The following DCTN4 variants were observed in gnomAD, a reference collection of about 807,000 sequenced individuals.
DCTN4 encodes the protein dynactin subunit 4, also known as dynactin 4 (p62).
In DCTN4, 23 loss-of-function variants were observed where a neutral mutation model predicts 62.7. That is an observed-to-expected ratio of 0.37 (90% confidence interval 0.26 to 0.52). The LOEUF (loss-of-function observed/expected upper bound fraction) is 0.52. Ranked by LOEUF, DCTN4 falls within the 20% of genes least tolerant of loss-of-function variation. The pLI, the probability that DCTN4 is intolerant of heterozygous loss-of-function variation, is 0.92. For missense variants in DCTN4, 514 were observed against 580.4 expected, an observed-to-expected ratio of 0.89 and a Z score of 1.18; for synonymous variants, 199 against 202.1, an observed-to-expected ratio of 0.98 and a Z score of 0.13.
At chr5:150,747,681 C>G (rs1245360090) in intron 3 of DCTN4, among the ~76,000 whole-genome samples, 1 of 151,354 alleles carries the variant, frequency 6.6e-6, no homozygotes, top group African/African-American at 2.4e-5. Flanking sequence ...GAAAAACAAG[C>G]AATGGGGAAA....
At chr5:150,747,167 C>A (rs1752478877) in intron 3 of DCTN4, among the ~76,000 whole-genome samples, 1 of 152,158 alleles carries the variant, frequency 6.6e-6, no homozygotes, top group Admixed American at 6.5e-5. Flanking sequence ...AGAGCCAAAT[C>A]ATGAGTGAAC....
At chr5:150,735,348 A>G (rs1162579549) in intron 4 of DCTN4, among the ~76,000 whole-genome samples, 2 of 152,216 alleles carry the variant, frequency 1.3e-5, no homozygotes, top group Admixed American at 1.3e-4. Flanking sequence ...CACTGCTAGC[A>G]CAACCAGCAT....
Position 150,715,489 on chromosome 5 carries a change from G to T in DCTN4, c.1169+76C>A, listed in dbSNP as rs78371538. ...GAAAAAAGTTATTTTAAAAAATCCA[G>T]ACAAGAAAACTGGATATAAGTGGGC... is the stretch of plus-strand genomic sequence containing the variant. On this transcript the variant is annotated intron_variant, in intron 12 of 12. Transcript: ENST00000447998. The T allele has an allele frequency of 1.2e-3, 1,346 of 1,143,100 alleles. 12 individuals are homozygous for T. The African/African-American group carries it at 0.018, about 16-fold the overall frequency. The allele number at this position is 1,143,100 out of a possible 1,614,324, so 70.8% of individuals were successfully genotyped here.
chr5:150,735,230 A>C (rs1760532911), intron 4 of DCTN4, among the ~76,000 whole-genome samples: 1 of 152,212 alleles, frequency 6.6e-6, no homozygotes, highest in South Asian at 2.1e-4. Context: ...TCATTATAGC[A>C]ACTCATAAAA....
chr5:150,752,059 A>C (rs865957489), intron 3 of DCTN4, among the ~76,000 whole-genome samples: 2 of 152,200 alleles, frequency 1.3e-5, no homozygotes, highest in Admixed American at 1.3e-4. Flanking sequence ...AATTTTTACA[A>C]GTTTAAAATG....
At chr5:150,718,408 C>T in intron 10 of DCTN4, 25 bp from the exon 11 acceptor site, 2 of 1,537,722 alleles carry the variant, frequency 1.3e-6, no homozygotes, top group Non-Finnish European at 1.8e-6. Flanking sequence ...ACACATCTCT[C>T]AGACATTCGC....
intron 3 of DCTN4, among the ~76,000 whole-genome samples, chr5:150,750,828 C>T (rs1307641893): frequency 6.6e-6 from 1 of 152,134 alleles, no homozygotes; most frequent in Non-Finnish European, 1.5e-5. Flanking sequence ...AGGGGGAGGG[C>T]TTAAACTGTT....
In DCTN4 at chr5:150,730,668, T is replaced by G; in HGVS notation, c.797A>C (p.His266Pro). The change falls in exon 8 of 13, where the codon CAC becomes CCC. Residue 266 changes from histidine (H) to proline (P), a missense_variant. Transcript: ENST00000447998. ...PVCASQLYPRHKHLLIKRSLR... is the reference protein window; with the variant it reads ...PVCASQLYPRPKHLLIKRSLR... ...GGACCGTTTGATCAGAAGATGTTTG[T>G]GGCGAGGATAGAGCTGTGAAGCACA... The G allele has an allele frequency of 6.2e-7, 1 of 1,614,088 alleles. No individual in the cohort carries two copies. Among genetic ancestry groups the G allele is most frequent in the Non-Finnish European group, 8.5e-7 (1 of 1,179,964 alleles).
At chr5:150,745,115 A>T (rs1760912692) in intron 3 of DCTN4, among the ~76,000 whole-genome samples, 1 of 150,488 alleles carries the variant, frequency 6.6e-6, no homozygotes. Context: ...GCAAATGGAA[A>T]ACAAAAAAAG....
intron 1 of DCTN4, chr5:150,758,652 C>G: frequency 7.9e-7 from 1 of 1,260,608 alleles, no homozygotes; most frequent in Non-Finnish European, 1.1e-6. Flanking sequence ...GCTCTAGAAC[C>G]AGAAGATCCG....
At chr5:150,729,895 G>A (rs1760295228) in intron 8 of DCTN4, among the ~76,000 whole-genome samples, 13 of 151,524 alleles carry the variant, frequency 8.6e-5, no homozygotes, top group Admixed American at 5.3e-4. Context: ...CTCCTCCCCT[G>A]GGCCCTTTCT....
At chr5:150,758,094 G>A (rs1306802831) in intron 1 of DCTN4, 4 of 985,352 alleles carry the variant, frequency 4.1e-6, no homozygotes, top group Middle Eastern at 5.2e-4. Context: ...TTATTAAACA[G>A]CGCATTTTAT....
Position 150,711,185 on chromosome 5 carries a change from C to T in DCTN4, c.1347G>A (p.Gln449=), listed in dbSNP as rs1759547899. 5.0e-6 allele frequency: 8 copies of T among 1,612,342 alleles called. No homozygotes were observed. The East Asian group carries it at 1.6e-4, about 31-fold the overall frequency. ...GTGGGCCCAAGCTAAGTTCCACATG[C>T]TGGGTGAGCCAGATGACTTCTGTTC... ...DQGTEVIWLT[Q]HVELSLGPLL... Residue 449 remains glutamine, a synonymous_variant, in exon 13 of 13, where the codon CAG becomes CAA. Transcript: ENST00000447998.
chr5:150,708,658 C>T lies in DCTN4; in HGVS notation c.*2491G>A, dbSNP rs1759457387. 2.6e-5 allele frequency: 4 copies of T among 152,794 alleles called. No individual in the cohort carries two copies. The highest frequency in any genetic ancestry group is 2.6e-4 in the Admixed American group (4 of 15,282). 9.5% of individuals were successfully genotyped at this position (152,794 alleles called of 1,614,324 possible). The stretch of plus-strand genomic sequence containing the variant: ...TGGAAGGGAGCATGCCCCACCAACT[C>T]TCTTAGCCAACTCTCTTAACTTCAC... On this transcript the variant is annotated 3_prime_UTR_variant, in exon 13 of 13. Transcript: ENST00000447998.
At chr5:150,718,792 C>G (rs1036986336) in intron 10 of DCTN4, among the ~76,000 whole-genome samples, 2 of 152,102 alleles carry the variant, frequency 1.3e-5, no homozygotes, top group African/African-American at 2.4e-5. Flanking sequence ...CACACCAAGA[C>G]TACAAAAACT....
chr5:150,732,847 T>A (rs188136267), intron 5 of DCTN4, among the ~76,000 whole-genome samples: 2 of 152,172 alleles, frequency 1.3e-5, no homozygotes, highest in Non-Finnish European at 2.9e-5. Context: ...AAATAATTCT[T>A]ATCAAAAATT....
At chr5:150,730,840 AGTGT>A in intron 7 of DCTN4, 100 bp from the exon 8 acceptor site, 4 of 998,288 alleles carry the variant, frequency 4.0e-6, no homozygotes, top group Non-Finnish European at 6.1e-6. Context: ...CTTTACGAAC[AGTGT>A]TGTTCATAAA....
At chr5:150,724,343 A>G (rs773986502) in intron 8 of DCTN4, among the ~76,000 whole-genome samples, 5 of 152,102 alleles carry the variant, frequency 3.3e-5, no homozygotes, top group Non-Finnish European at 7.4e-5. Context: ...TTAACAATAG[A>G]TTTTAATCTC....
chr5:150,742,117 T>C lies in DCTN4; in HGVS notation c.426A>G (p.Gln142=). The part of the protein sequence containing the change: ...GWQEPENPHT[Q]RMNKLIEYYQ... ...TCTCTTATGACCCTTTACTTACCCG[T>C]TGTGTGTGAGGATTTTCAGGTTCCT... The change falls in exon 4 of 13, where the codon CAA becomes CAG. Residue 142 remains glutamine, a synonymous_variant. Transcript: ENST00000447998. 1 of 1,613,996 alleles carries C rather than the reference T, an allele frequency of 6.2e-7. No homozygotes were observed. The highest frequency in any genetic ancestry group is 1.1e-5 in the South Asian group (1 of 91,084).
Sources: allele counts gnomAD v4.1 joint callset (sites outside exome capture counted in the v4.1 genomes callset), GRCh38; gene constraint gnomAD v4.1.1; transcripts MANE v1.5; gene names NCBI Gene and HGNC (gene_info 2026-07-23, HGNC 2026-07-21).